Variants in SLC38A5 observed in about 807,000 individuals in gnomAD.
The protein encoded by SLC38A5 is sodium-coupled neutral amino acid transporter 5.
SLC38A5 carries 9 observed loss-of-function variants against 34.6 expected under a neutral mutation model. The ratio of observed to expected loss-of-function variants is 0.26; its 90% CI spans 0.16 to 0.45. The LOEUF (loss-of-function observed/expected upper bound fraction) is 0.45, where lower values mean the gene tolerates loss of function less well. SLC38A5 is among the 20% of genes least tolerant of loss of function. SLC38A5 has a pLI of 1.00. For missense variants in SLC38A5, 253 were observed against 394.7 expected (o/e 0.64, Z 3.04); for synonymous variants, 157 against 155.6 (o/e 1.01, Z -0.07).
chrX:48,462,834 T>G (rs1213869560), intron 9 of SLC38A5, 64 bp downstream of exon 9: 1 of 913,124 alleles, frequency 1.1e-6, no homozygotes, highest in Non-Finnish European at 1.5e-6. Context: ...GAATGGGGGT[T>G]TTCTCAGTCT....
chrX:48,468,418 T>C, intron 2 of SLC38A5: 1 of 762,013 alleles, frequency 1.3e-6, no homozygotes, highest in South Asian at 6.4e-5. Context: ...GGGACACGTG[T>C]CGGCCTGGCT....
chrX:48,461,906 C>T, intron 11 of SLC38A5, 101 bp downstream of exon 11: 1 of 1,121,746 alleles, frequency 8.9e-7, no homozygotes, highest in Non-Finnish European at 1.2e-6. Flanking sequence ...CATAGAAGCT[C>T]CCAATGTCGA....
rs1569469030 is a variant in SLC38A5 at position 48,460,718 on chromosome X, C to T, written c.999G>A (p.Pro333=). Residue 333 remains proline, a synonymous_variant, in exon 14 of 17, where the codon CCG becomes CCA. Coordinates refer to ENST00000620913, the MANE Select transcript of SLC38A5 (RefSeq NM_033518.4). ...CGGCCAGGCGCACACAGAGGATGAG[C>T]GGGTCCTTCTGGCTGTACATGTGCA... ...EMLHMYSQKD[P]LILCVRLAVL... is the part of the protein sequence containing the mutation. 2.5e-6 allele frequency: 3 copies of T among 1,212,058 alleles called. No homozygotes were observed. Among genetic ancestry groups the T allele is most frequent in the Admixed American group, 4.3e-5 (2 of 46,065 alleles).
rs782001785 is a variant in SLC38A5, at chrX:48,467,918, G to A, written c.7C>T (p.Leu3=). The change falls in exon 3 of 17, where the codon CTG becomes TTG. Residue 3 remains leucine (L), a synonymous_variant. Coordinates refer to ENST00000620913, the MANE Select transcript of SLC38A5 (RefSeq NM_033518.4). ME[L]QDPKMNGALP... is the part of the protein sequence containing the mutation. ...GCTCCATTCATCTTTGGATCCTGCA[G>A]TTCCATCCTGTGGGCAAAGAAATGG... is the stretch of plus-strand genomic sequence containing the variant. The A allele has an allele frequency of 2.2e-5, 26 of 1,201,893 alleles. No homozygotes were observed. The Admixed American group carries it at 5.8e-4, about 27-fold the overall frequency.
intron 12 of SLC38A5, among the ~76,000 whole-genome samples, chrX:48,461,366 C>T (rs2061432933): frequency 9.0e-6 from 1 of 111,174 alleles, no homozygotes; most frequent in African/African-American, 3.3e-5. Context: ...ATCATCCACA[C>T]ATCTCCCATC....
chrX:48,460,837 T>C (rs190491934), intron 13 of SLC38A5, 73 bp from the exon 14 acceptor site: 2 of 1,054,264 alleles, frequency 1.9e-6, no homozygotes, highest in South Asian at 2.0e-5. Context: ...CAGAAACCCA[T>C]ACATACATGC....
chrX:48,463,894 A>AGAAAGAAAGAAG (rs2061456157), intron 8 of SLC38A5, among the ~76,000 whole-genome samples: 1 of 108,620 alleles, frequency 9.2e-6, no homozygotes, highest in Non-Finnish European at 1.9e-5. Flanking sequence ...AAAGAAAGAA[A>AGAAAGAAAGAAG]GAAAGAAAGA....
chrX:48,463,909 AAG>A (rs201338557), intron 8 of SLC38A5, among the ~76,000 whole-genome samples: 2 of 100,515 alleles, frequency 2.0e-5, no homozygotes, highest in African/African-American at 3.7e-5. Flanking sequence ...GAAAGAAAGA[AAG>A]AGAAAGAAAG....
chrX:48,460,274 A>G (rs781892970), intron 14 of SLC38A5, among the ~76,000 whole-genome samples: 7 of 109,550 alleles, frequency 6.4e-5, no homozygotes, highest in Non-Finnish European at 1.1e-4. Context: ...CTGCCTCCCC[A>G]TCTGGGAGAC....
intron 14 of SLC38A5, 108 bp downstream of exon 14, chrX:48,460,541 C>T (rs2061426933): frequency 2.6e-6 from 2 of 763,168 alleles, no homozygotes; most frequent in Non-Finnish European, 3.8e-6. Flanking sequence ...TCCATCCTTG[C>T]CTCCTTCATC....
rs1280898587 is a variant in SLC38A5, at chrX:48,458,980, T to C, written c.1372A>G (p.Met458Val). 3 of 1,194,185 alleles carry C rather than the reference T, an allele frequency of 2.5e-6. No individual in the cohort carries two copies. The highest frequency in any genetic ancestry group is 3.4e-6 in the Non-Finnish European group (3 of 886,315). The change falls in exon 17 of 17, where the codon ATG becomes GTG. Residue 458 changes from methionine (M) to valine (V), a missense_variant. Physicochemically the swap from Met to Val is conservative, Grantham distance 21. This residue lies in a region of SLC38A5 where 176 missense variants were observed against 273.0 expected (regional missense o/e 0.64). Coordinates refer to ENST00000620913, the MANE Select transcript of SLC38A5 (RefSeq NM_033518.4). ...TGGCCTGTGGCCCAGTTGGCAAACA[T>C]AAAGCCTAGACTGACGGCCATGAAG... ...VLFMAVSLGF[M>V]FANWATGQSR...
intron 2 of SLC38A5, chrX:48,468,982 C>G: frequency 1.3e-6 from 1 of 753,864 alleles, no homozygotes; most frequent in Non-Finnish European, 1.6e-6. Context: ...CAGCTCCCTC[C>G]CGCGCTTACT....
Position 48,459,621 on chromosome X carries a change from C to G in SLC38A5, c.1232G>C (p.Ser411Thr). 2 of 1,154,640 alleles carry G rather than the reference C, an allele frequency of 1.7e-6. No individual in the cohort carries two copies. The highest frequency in any genetic ancestry group is 2.3e-6 in the Non-Finnish European group (2 of 867,449). The change falls in exon 16 of 17, where the codon AGC becomes ACC. Residue 411 changes from serine to threonine, a missense_variant. This residue lies in a region of SLC38A5 where 176 missense variants were observed against 273.0 expected (regional missense o/e 0.64). Transcript: ENST00000620913. ...FGVIGSTSAP[S>T]LIFILPSIFY... is the part of the protein sequence containing the mutation. ...GATGCTGGGGAGGATGAAGATGAGG[C>G]TGGGGGCTGAGGTGGACCCTGGAGA...
chrX:48,467,085 C>T lies in SLC38A5; in HGVS notation c.130-8G>A. The T allele has an allele frequency of 8.3e-7, 1 of 1,199,665 alleles. No homozygotes were observed. Among genetic ancestry groups the T allele is most frequent in the African/African-American group, 1.7e-5 (1 of 57,723 alleles). On this transcript the variant is annotated splice_polypyrimidine_tract_variant and splice_region_variant and intron_variant, in intron 4 of 16. Coordinates refer to ENST00000620913, the MANE Select transcript of SLC38A5 (RefSeq NM_033518.4). Reference sequence around the variant, plus strand: ...CGATGTCTTCCCCTCGAACTGCACGCAAGGAGCAAAGCCCGGGCACACATT... The same window carrying T: ...CGATGTCTTCCCCTCGAACTGCACGTAAGGAGCAAAGCCCGGGCACACATT...
Position 48,459,807 on chromosome X carries a change from C to T in SLC38A5, c.1138G>A (p.Ala380Thr), listed in dbSNP as rs782277335. The T allele has an allele frequency of 3.0e-5, 36 of 1,209,944 alleles. No homozygotes were observed. The highest frequency in any genetic ancestry group is 3.7e-5 in the Non-Finnish European group (33 of 895,142). The change falls in exon 15 of 17, where the codon GCT becomes ACT. Residue 380 changes from alanine (A) to threonine (T), a missense_variant. Physicochemically the swap from Ala to Thr is moderately conservative, Grantham distance 58. Around this residue, in one of 3 missense-constraint regions of SLC38A5, gnomAD observed 176 missense variants for 273.0 expected, o/e 0.64. Transcript: ENST00000620913. Reference protein sequence around the residue: ...AFSWPRHVAIALILLVLVNVL... With the variant: ...AFSWPRHVAITLILLVLVNVL... Reference sequence around the variant, plus strand: ...TTGACCAAAACAAGCAGGATCAGAGCTATGGCCACATGTCGTGGCCAGCTG... The same window carrying T: ...TTGACCAAAACAAGCAGGATCAGAGTTATGGCCACATGTCGTGGCCAGCTG...
chrX:48,464,079 G>A (rs1366944808), intron 8 of SLC38A5, among the ~76,000 whole-genome samples: 1 of 111,962 alleles, frequency 8.9e-6, no homozygotes, highest in Non-Finnish European at 1.9e-5. Flanking sequence ...ATGCTTGTTT[G>A]AACAGCTCAA....
intron 4 of SLC38A5, 98 bp from the exon 5 acceptor site, chrX:48,467,175 G>T (rs967595936): frequency 9.9e-6 from 7 of 708,218 alleles, no homozygotes; most frequent in Non-Finnish European, 1.5e-5. Flanking sequence ...AGAAGCAAGC[G>T]GGGTGGAGAG....
In SLC38A5 at chrX:48,466,292, C is replaced by T. The variant is rs782777226; in HGVS notation, c.350G>A (p.Arg117Lys). 2.5e-6 allele frequency: 3 copies of T among 1,203,243 alleles called. No individual in the cohort carries two copies. The highest frequency in any genetic ancestry group is 3.4e-6 in the Non-Finnish European group (3 of 891,524). The change falls in exon 7 of 17, where the codon AGG becomes AAG. Residue 117 changes from arginine (R) to lysine (K), a missense_variant. Transcript: ENST00000620913. ...TACCTTCCCCGCAGGCCCGAATGCCCTCTGTCCCAGCTGCTCATAGGCTCG... is the reference window on the plus strand; with the variant it reads ...TACCTTCCCCGCAGGCCCGAATGCCTTCTGTCCCAGCTGCTCATAGGCTCG... ...GIRAYEQLGQ[R>K]AFGPAGKVVV...
Position 48,466,313 on chromosome X carries a change from G to A in SLC38A5, c.329C>T (p.Ala110Val), listed in dbSNP as rs1450615677. The change falls in exon 7 of 17, where the codon GCC becomes GTC. Residue 110 changes from alanine (A) to valine (V), a missense_variant. Around this residue, in one of 3 missense-constraint regions of SLC38A5, gnomAD observed 37 missense variants for 85.3 expected, o/e 0.43. Transcript: ENST00000620913. ...LTCAGIAGIR[A>V]YEQLGQRAFG... ...TGCCCTCTGTCCCAGCTGCTCATAG[G>A]CTCGGATGCCTAGCGGGGGGAGTCA... The A allele has an allele frequency of 5.4e-5, 64 of 1,195,083 alleles. No individual in the cohort carries two copies. The highest frequency in any genetic ancestry group is 6.4e-5 in the Non-Finnish European group (57 of 887,774).
Sources: allele counts gnomAD v4.1 joint callset (sites outside exome capture counted in the v4.1 genomes callset), GRCh38; gene constraint gnomAD v4.1.1; regional missense constraint gnomAD v4.1.1; transcripts MANE v1.5; gene names NCBI Gene and HGNC (gene_info 2026-07-23, HGNC 2026-07-21).